SLC24A3: variants seen among roughly 807,000 people sequenced by gnomAD.
The protein encoded by SLC24A3 is sodium/potassium/calcium exchanger 3.
A neutral mutation model predicts 75.8 loss-of-function variants in SLC24A3; 28 were observed. The observed-to-expected ratio is 0.37, with a 90% CI of 0.27 to 0.51. SLC24A3 has a LOEUF of 0.51. Ranked by LOEUF, SLC24A3 falls within the 20% of genes least tolerant of loss-of-function variation. The pLI is 0.94. For synonymous variants in SLC24A3, 372 were observed against 334.1 expected, an observed-to-expected ratio of 1.11 and a Z score of -1.24; for missense variants, 663 against 847.8, an observed-to-expected ratio of 0.78 and a Z score of 2.71.
chr20:19,220,064 TCCATGGA>T (rs1981664942), intron 1 of SLC24A3, among the ~76,000 whole-genome samples: 1 of 152,204 alleles, frequency 6.6e-6, no homozygotes, highest in Non-Finnish European at 1.5e-5. Context: ...GCTGGACCCA[TCCATGGA>T]CCATGGAGCA....
intron 6 of SLC24A3, among the ~76,000 whole-genome samples, chr20:19,633,897 T>A (rs1274781452): frequency 6.6e-6 from 1 of 152,146 alleles, no homozygotes; most frequent in Non-Finnish European, 1.5e-5. Context: ...GGAAAGTCCC[T>A]AGAATGATGC....
intron 9 of SLC24A3, among the ~76,000 whole-genome samples, chr20:19,678,634 G>T (rs1199815153): frequency 6.9e-6 from 1 of 145,622 alleles, no homozygotes; most frequent in African/African-American, 2.6e-5. Flanking sequence ...CTGGCCCCGG[G>T]CGGGGGGCTG....
intron 1 of SLC24A3, among the ~76,000 whole-genome samples, chr20:19,273,168 C>T (rs1480003488): frequency 1.3e-5 from 2 of 152,220 alleles, no homozygotes; most frequent in Non-Finnish European, 2.9e-5. Context: ...GCCAGGGGCT[C>T]AGCCAGTCTC....
intron 14 of SLC24A3, 87 bp downstream of exon 14, chr20:19,696,998 G>A: frequency 2.1e-6 from 1 of 474,084 alleles, no homozygotes; most frequent in Non-Finnish European, 3.9e-6. Flanking sequence ...AGGGAAGGAA[G>A]GCAGGAGGGA....
At chr20:19,546,672 AG>A (rs780498573) in intron 3 of SLC24A3, among the ~76,000 whole-genome samples, 2 of 152,130 alleles carry the variant, frequency 1.3e-5, no homozygotes, top group Non-Finnish European at 2.9e-5. Context: ...TCCAATTTGG[AG>A]TTTCTCTGAT....
intron 3 of SLC24A3, among the ~76,000 whole-genome samples, chr20:19,520,971 G>C (rs1001467935): frequency 6.6e-6 from 1 of 152,208 alleles, no homozygotes; most frequent in Non-Finnish European, 1.5e-5. Context: ...TAGAAGTGAT[G>C]AAAGTGATTG....
intron 2 of SLC24A3, among the ~76,000 whole-genome samples, chr20:19,461,526 TTTC>T (rs1406224577): frequency 2.9e-5 from 4 of 137,868 alleles, no homozygotes; most frequent in Non-Finnish European, 6.1e-5. Flanking sequence ...TTTTCTTTTT[TTTC>T]TTTTTTTTTT....
chr20:19,668,117 C>A lies in SLC24A3; in HGVS notation c.713+2228C>A, dbSNP rs868022703. Among the ~76,000 whole-genome samples the A allele has an allele frequency of 3.3e-5, 5 of 152,318 alleles. 1 individual carries two copies. In the Middle Eastern group the frequency reaches 0.014, roughly 414 times the overall value. On this transcript the variant is annotated intron_variant, in intron 8 of 16. Coordinates refer to ENST00000328041, the MANE Select transcript of SLC24A3 (RefSeq NM_020689.4). Reference sequence around the variant, plus strand: ...GCCTTGGTGGCACCAGAACTACATTCTTCCCAGAGCACTGGCCTGTCGTGT... The same window carrying A: ...GCCTTGGTGGCACCAGAACTACATTATTCCCAGAGCACTGGCCTGTCGTGT...
At position 19,212,955 on chromosome 20, in the gene SLC24A3, G is replaced by A; in HGVS notation, c.113G>A (p.Trp38Ter). 3.0e-6 allele frequency: 4 copies of A among 1,322,520 alleles called. No individual in the cohort carries two copies. The highest frequency in any genetic ancestry group is 3.9e-6 in the Non-Finnish European group (4 of 1,033,550). The allele number at this position is 1,322,520 out of a possible 1,614,324, so 81.9% of individuals were successfully genotyped here. A position where few individuals can be genotyped will look rare whatever the true frequency, so the allele number is the denominator to read the frequency against. ...CFLASVALLL[W>*]SLSSLREQKE... Reference sequence around the variant, plus strand: ...CTGGCCTCGGTGGCGCTGCTGCTCTGGTCGCTGTCGAGCCTGCGAGAGCAG... The same window carrying A: ...CTGGCCTCGGTGGCGCTGCTGCTCTAGTCGCTGTCGAGCCTGCGAGAGCAG... The change falls in exon 1 of 17, where the codon TGG becomes TAG. Residue 38 changes from tryptophan (W) to a stop codon, truncating the protein, a stop_gained. Coordinates refer to ENST00000328041, the MANE Select transcript of SLC24A3 (RefSeq NM_020689.4). LOFTEE classifies it high-confidence loss of function.
chr20:19,385,846 A>G (rs1986263526), intron 2 of SLC24A3, among the ~76,000 whole-genome samples: 1 of 152,134 alleles, frequency 6.6e-6, no homozygotes, highest in East Asian at 1.9e-4. Context: ...TGTGTTGCCC[A>G]GGCTGGTCTC....
intron 2 of SLC24A3, among the ~76,000 whole-genome samples, chr20:19,309,253 G>T (rs1177110507): frequency 2.0e-5 from 3 of 152,150 alleles, no homozygotes; most frequent in Non-Finnish European, 4.4e-5. Context: ...TCATTTTCTT[G>T]CTGCAGAACT....
At chr20:19,450,210 G>T (rs955954093) in intron 2 of SLC24A3, among the ~76,000 whole-genome samples, 1 of 152,172 alleles carries the variant, frequency 6.6e-6, no homozygotes, top group Non-Finnish European at 1.5e-5. Flanking sequence ...CAACATGATG[G>T]CAGTCCTCTC....
intron 2 of SLC24A3, among the ~76,000 whole-genome samples, chr20:19,512,998 C>G (rs2029912051): frequency 6.6e-6 from 1 of 152,168 alleles, no homozygotes; most frequent in Non-Finnish European, 1.5e-5. Context: ...ACTCAGCATC[C>G]CATCTCTAGC....
chr20:19,273,454 C>T (rs1421703854), intron 1 of SLC24A3, among the ~76,000 whole-genome samples: 1 of 152,176 alleles, frequency 6.6e-6, no homozygotes, highest in African/African-American at 2.4e-5. Flanking sequence ...TCTGCTTTCT[C>T]TGTGCCGCCA....
chr20:19,478,527 C>G (rs1443280968), intron 2 of SLC24A3, among the ~76,000 whole-genome samples: 1 of 152,126 alleles, frequency 6.6e-6, no homozygotes, highest in Non-Finnish European at 1.5e-5. Flanking sequence ...ACCACAGCCC[C>G]CCATCCATTG....
intron 3 of SLC24A3, among the ~76,000 whole-genome samples, chr20:19,532,864 T>C (rs762988357): frequency 1.3e-5 from 2 of 152,194 alleles, no homozygotes; most frequent in Admixed American, 6.5e-5. Context: ...AGAGAGCACA[T>C]TGGCAGCCCC....
At chr20:19,546,282 C>G (rs1418042593) in intron 3 of SLC24A3, among the ~76,000 whole-genome samples, 2 of 151,454 alleles carry the variant, frequency 1.3e-5, no homozygotes, top group Non-Finnish European at 1.5e-5. Context: ...GAGTCTTCAT[C>G]CTCTCTCCCT....
chr20:19,325,765 C>CATAT (rs1491578632), intron 2 of SLC24A3, among the ~76,000 whole-genome samples: 65 of 43,030 alleles, frequency 1.5e-3, no homozygotes, highest in East Asian at 4.5e-3. Context: ...TACATACATA[C>CATAT]ATATATATAT....
intron 6 of SLC24A3, among the ~76,000 whole-genome samples, chr20:19,613,822 C>A (rs964455311): frequency 6.6e-6 from 1 of 152,196 alleles, no homozygotes; most frequent in Non-Finnish European, 1.5e-5. Context: ...CCTTGGTTTG[C>A]GTAGCTGTTG....
Sources: gnomAD v4.1 joint callset for allele counts (sites outside exome capture counted in the v4.1 genomes callset) on GRCh38, gnomAD v4.1.1 for gene constraint, MANE v1.5 for transcripts, NCBI Gene and HGNC (gene_info 2026-07-23, HGNC 2026-07-21) for gene names.